Variants in CBX5 observed in about 807,000 individuals in gnomAD.
CBX5 encodes chromobox 5.
In CBX5, 7 loss-of-function variants were observed where a neutral mutation model predicts 20.7. The observed-to-expected ratio is 0.34, with a 90% CI of 0.19 to 0.63. The LOEUF (loss-of-function observed/expected upper bound fraction) is 0.63, where lower values mean the gene tolerates loss of function less well. Among genes scored for constraint, CBX5 ranks in the 30% least tolerant of loss-of-function variants. The pLI, the probability that CBX5 is intolerant of heterozygous loss-of-function variation, is 0.75. For missense variants in CBX5, 110 were observed against 224.1 expected, an observed-to-expected ratio of 0.49 and a Z score of 3.25; for synonymous variants, 78 against 77.0, an observed-to-expected ratio of 1.01 and a Z score of -0.07.
At position 54,268,990 on chromosome 12, in the gene CBX5, C is replaced by A. The variant is rs143670900; in HGVS notation, c.-43+11018G>T. On this transcript the variant is annotated intron_variant, in intron 1 of 4. Coordinates refer to ENST00000209875, the MANE Select transcript of CBX5 (RefSeq NM_012117.3). ...AAAAATAACTGTTTTGGGCCAGGCA[C>A]GGTGGCTCACGCCTATAATCCCAGC... is the stretch of plus-strand genomic sequence containing the variant. Among the ~76,000 whole-genome samples, 340 of 152,306 alleles carry A rather than the reference C, an allele frequency of 2.2e-3. 4 individuals carry two copies. Among genetic ancestry groups the A allele is most frequent in the African/African-American group, 8.1e-3 (335 of 41,572 alleles).
At chr12:54,263,360 T>TC (rs1018606760) in intron 1 of CBX5, among the ~76,000 whole-genome samples, 10 of 141,942 alleles carry the variant, frequency 7.0e-5, no homozygotes, top group Non-Finnish European at 1.6e-4. Flanking sequence ...AAACTCCGTC[T>TC]CAAAAAAAAA....
At chr12:54,271,017 C>G (rs897039670) in intron 1 of CBX5, among the ~76,000 whole-genome samples, 1 of 152,232 alleles carries the variant, frequency 6.6e-6, no homozygotes, top group African/African-American at 2.4e-5. Flanking sequence ...GATTGTGTCA[C>G]TGCACTCCAG....
chr12:54,270,733 AT>A (rs1944000943), intron 1 of CBX5, among the ~76,000 whole-genome samples: 1 of 152,046 alleles, frequency 6.6e-6, no homozygotes, highest in African/African-American at 2.4e-5. Flanking sequence ...CTGATTTTTT[AT>A]TTAATTGCAC....
chr12:54,276,985 G>C (rs1944075613), intron 1 of CBX5: 1 of 152,188 alleles, frequency 6.6e-6, no homozygotes, highest in African/African-American at 2.4e-5. Context: ...GCCAAACAAG[G>C]ACAAGATGCA....
chr12:54,242,675 C>T (rs926013453), intron 4 of CBX5, among the ~76,000 whole-genome samples: 1 of 152,126 alleles, frequency 6.6e-6, no homozygotes, highest in Non-Finnish European at 1.5e-5. Context: ...CATTACCCCT[C>T]TGGCCAGAAC....
At chr12:54,268,095 G>A (rs1943974498) in intron 1 of CBX5, among the ~76,000 whole-genome samples, 1 of 152,162 alleles carries the variant, frequency 6.6e-6, no homozygotes, top group Admixed American at 6.5e-5. Flanking sequence ...AGTGAACCAA[G>A]ATTGCGCCAT....
intron 4 of CBX5, 21 bp from the exon 5 acceptor site, chr12:54,241,926 A>G (rs1319195287): frequency 6.2e-7 from 1 of 1,607,258 alleles, no homozygotes; most frequent in East Asian, 2.2e-5. Flanking sequence ...AGAATATGAG[A>G]CTTAAAAGGA....
intron 1 of CBX5, among the ~76,000 whole-genome samples, chr12:54,264,585 G>A (rs1222522770): frequency 6.6e-6 from 1 of 152,234 alleles, no homozygotes; most frequent in Non-Finnish European, 1.5e-5. Context: ...GCTCATGCCT[G>A]TAATCCCAGC....
At chr12:54,269,278 ATAAC>A (rs1215606290) in intron 1 of CBX5, among the ~76,000 whole-genome samples, 53 of 152,222 alleles carry the variant, frequency 3.5e-4, no homozygotes, top group African/African-American at 1.2e-3. Context: ...AAATAAATAA[ATAAC>A]TGTTTTAAGC....
chr12:54,243,198 G>A (rs903362267), intron 4 of CBX5, among the ~76,000 whole-genome samples: 2 of 152,140 alleles, frequency 1.3e-5, no homozygotes, highest in Non-Finnish European at 2.9e-5. Context: ...CCTTATTGGA[G>A]CAGATACTCA....
chr12:54,257,500 A>T lies in CBX5; in HGVS notation c.137+14T>A, dbSNP rs1403203522. On this transcript the variant is annotated intron_variant, in intron 2 of 4. Coordinates refer to ENST00000209875, the MANE Select transcript of CBX5 (RefSeq NM_012117.3). ...CTACAGAGTCCCAACGCCTGGGGGAAAAAAGGAACTTACTCAGAAAAGCCT... is the reference window on the plus strand; with the variant it reads ...CTACAGAGTCCCAACGCCTGGGGGATAAAAGGAACTTACTCAGAAAAGCCT... The T allele has an allele frequency of 3.1e-6, 5 of 1,613,940 alleles. No individual in the cohort carries two copies. Among genetic ancestry groups the T allele is most frequent in the Non-Finnish European group, 3.4e-6 (4 of 1,179,962 alleles).
chr12:54,249,429 AT>A (rs200474259), intron 3 of CBX5, among the ~76,000 whole-genome samples: 2,554 of 142,220 alleles, frequency 0.018, 14 homozygotes, highest in East Asian at 0.035. Flanking sequence ...GGCACTGGAG[AT>A]TTTTTTTTTT....
chr12:54,248,727 C>T (rs1222216657), intron 3 of CBX5, among the ~76,000 whole-genome samples: 1 of 152,196 alleles, frequency 6.6e-6, no homozygotes, highest in Non-Finnish European at 1.5e-5. Flanking sequence ...GAAAAACGTT[C>T]AAGCTGCTGA....
chr12:54,236,009 T>A lies in CBX5; in HGVS notation c.*5746A>T, dbSNP rs1424045981. On this transcript the variant is annotated 3_prime_UTR_variant, in exon 5 of 5. Transcript: ENST00000209875. ...ACTCACCTGTTTTCTCTCTCAGTAA[T>A]AACAGCATTTCCAACCCTCCAGCTA... 6.6e-6 allele frequency: 1 copy of A among 152,216 alleles called. No individual in the cohort carries two copies. Among genetic ancestry groups the A allele is most frequent in the Non-Finnish European group, 1.5e-5 (1 of 68,042 alleles). The allele number at this position is 152,216 out of a possible 1,614,324, so 9.4% of individuals were successfully genotyped here. A position where few individuals can be genotyped will look rare whatever the true frequency, so the allele number is the denominator to read the frequency against.
intron 1 of CBX5, among the ~76,000 whole-genome samples, chr12:54,261,399 G>A (rs1486615211): frequency 6.6e-6 from 1 of 151,514 alleles, no homozygotes; most frequent in Non-Finnish European, 1.5e-5. Flanking sequence ...CTGGTTCAAG[G>A]GATTCTCCTG....
chr12:54,251,211 A>C (rs1413179288), intron 3 of CBX5, among the ~76,000 whole-genome samples: 1 of 151,986 alleles, frequency 6.6e-6, no homozygotes, highest in Non-Finnish European at 1.5e-5. Flanking sequence ...CTATAATCTC[A>C]ACACTTTGGG....
chr12:54,246,090 T>C (rs1413373189), intron 4 of CBX5, 25 bp downstream of exon 4: 1 of 1,515,624 alleles, frequency 6.6e-7, no homozygotes, highest in Admixed American at 1.7e-5. Flanking sequence ...AACACAATTG[T>C]AAAGCGAAGC....
Position 54,234,667 on chromosome 12 carries a change from C to T in CBX5, c.*7088G>A, listed in dbSNP as rs1158982127. ...AATTGTCTTAATTAATGGCTCTTTC[C>T]TTGTCAGCTTTTGCCTCCAGTGCAG... On this transcript the variant is annotated 3_prime_UTR_variant, in exon 5 of 5. Transcript: ENST00000209875. 1 of 152,232 alleles carries T rather than the reference C, an allele frequency of 6.6e-6. No individual in the cohort carries two copies. Among genetic ancestry groups the T allele is most frequent in the East Asian group, 1.9e-4 (1 of 5,204 alleles). The allele number at this position is 152,232 out of a possible 1,614,324, so 9.4% of individuals were successfully genotyped here.
At chr12:54,271,437 T>A (rs1416760902) in intron 1 of CBX5, among the ~76,000 whole-genome samples, 2 of 152,268 alleles carry the variant, frequency 1.3e-5, no homozygotes, top group Non-Finnish European at 2.9e-5. Flanking sequence ...GCGATTCTCC[T>A]GCCTCAGCCT....
Sources: gnomAD v4.1 joint callset for allele counts (sites outside exome capture counted in the v4.1 genomes callset) on GRCh38, gnomAD v4.1.1 for gene constraint, MANE v1.5 for transcripts, NCBI Gene and HGNC (gene_info 2026-07-23, HGNC 2026-07-21) for gene names.